Variants in GRID1 observed in about 807,000 individuals in gnomAD.
The protein encoded by GRID1 is glutamate ionotropic receptor delta type subunit 1.
A neutral mutation model predicts 98.0 loss-of-function variants in GRID1; 28 were observed. The observed-to-expected ratio is 0.29, with a 90% CI of 0.21 to 0.39. The LOEUF is 0.39. Among genes scored for constraint, GRID1 ranks in the 10% least tolerant of loss-of-function variants. GRID1 has a pLI of 1.00. For synonymous variants in GRID1, 553 were observed against 538.5 expected (o/e 1.03, Z -0.37); for missense variants, 1,111 against 1,340.5 (o/e 0.83, Z 2.67).
intron 8 of GRID1, among the ~76,000 whole-genome samples, chr10:85,812,712 T>C (rs1479277689): frequency 6.7e-6 from 1 of 150,364 alleles, no homozygotes; most frequent in Non-Finnish European, 1.5e-5. Flanking sequence ...AAGTCAAAAC[T>C]AAACAAGCAA....
intron 2 of GRID1, among the ~76,000 whole-genome samples, chr10:86,260,607 C>G (rs983744972): frequency 6.6e-6 from 1 of 152,172 alleles, no homozygotes; most frequent in African/African-American, 2.4e-5. Flanking sequence ...AGGCAGAGGC[C>G]AGGGAGGGCT....
chr10:86,018,219 GCA>G (rs1285908500), intron 4 of GRID1, among the ~76,000 whole-genome samples: 2 of 152,238 alleles, frequency 1.3e-5, no homozygotes, highest in Admixed American at 6.5e-5. Flanking sequence ...TCCTTCATGA[GCA>G]CACAGACTTC....
intron 8 of GRID1, among the ~76,000 whole-genome samples, chr10:85,814,715 T>G (rs936917718): frequency 6.6e-6 from 1 of 151,942 alleles, no homozygotes; most frequent in African/African-American, 2.4e-5. Context: ...ACATACAAAC[T>G]ACTATAAACT....
chr10:86,222,165 C>G (rs540604651), intron 2 of GRID1, among the ~76,000 whole-genome samples: 2 of 152,184 alleles, frequency 1.3e-5, no homozygotes, highest in Non-Finnish European at 2.9e-5. Flanking sequence ...AGAGGGGGGG[C>G]CACCCATTTG....
At chr10:85,857,140 G>A (rs1431738371) in intron 6 of GRID1, among the ~76,000 whole-genome samples, 1 of 152,214 alleles carries the variant, frequency 6.6e-6, no homozygotes, top group Non-Finnish European at 1.5e-5. Flanking sequence ...GCTCTGCAGT[G>A]GAGTCACTGC....
At chr10:85,679,907 G>T (rs1841188196) in intron 12 of GRID1, among the ~76,000 whole-genome samples, 1 of 152,184 alleles carries the variant, frequency 6.6e-6, no homozygotes, top group Non-Finnish European at 1.5e-5. Context: ...AATTATGCAG[G>T]CAGTGACCAT....
intron 4 of GRID1, among the ~76,000 whole-genome samples, chr10:85,978,629 A>G (rs1842504920): frequency 6.6e-6 from 1 of 151,952 alleles, no homozygotes; most frequent in Admixed American, 6.6e-5. Context: ...AAAAAAAGCT[A>G]ACACTTCTTG....
chr10:86,059,899 AC>A (rs1843625823), intron 4 of GRID1, among the ~76,000 whole-genome samples: 1 of 152,220 alleles, frequency 6.6e-6, no homozygotes, highest in African/African-American at 2.4e-5. Context: ...AATAAAAAAA[AC>A]ACTCTCCTAA....
intron 2 of GRID1, among the ~76,000 whole-genome samples, chr10:86,287,627 G>A (rs1306052452): frequency 2.0e-5 from 3 of 152,174 alleles, no homozygotes; most frequent in South Asian, 2.1e-4. Flanking sequence ...CACAGGAGAG[G>A]GCTGGTTGTG....
In GRID1 at chr10:86,089,749, AT is replaced by A. The variant is rs35775469; in HGVS notation, c.726+49069del. On this transcript the variant is annotated intron_variant, in intron 4 of 15. Transcript: ENST00000327946. ...ATAAAGAAGGACCAAACAAAAAAAAATTTTTTTTTTTTTTGAGACGGAGTCT... is the reference window on the plus strand; with the variant it reads ...ATAAAGAAGGACCAAACAAAAAAAAATTTTTTTTTTTTTGAGACGGAGTCT... Among the ~76,000 whole-genome samples the A allele has an allele frequency of 1.5e-3, 221 of 147,242 alleles. 1 individual carries two copies. The highest frequency in any genetic ancestry group is 3.6e-3 in the Middle Eastern group (1 of 278).
rs370378402 is a variant in GRID1, at chr10:85,681,596, T to A, written c.1998-34199A>T. ...ACATGCACTGCCTCTTAACCTGGAA[T>A]GCTCCATGCACTGTCACTTTCTAAA... is the stretch of plus-strand genomic sequence containing the variant. On this transcript the variant is annotated intron_variant, in intron 12 of 15. Coordinates refer to ENST00000327946, the MANE Select transcript of GRID1 (RefSeq NM_017551.3). Among the ~76,000 whole-genome samples the A allele has an allele frequency of 4.6e-5, 7 of 152,242 alleles. No homozygotes were observed. In the East Asian group the frequency reaches 9.7e-4, roughly 21 times the overall value.
Position 86,192,972 on chromosome 10 carries a change from G to C in GRID1, c.520+13392C>G, listed in dbSNP as rs1241165935. On this transcript the variant is annotated intron_variant, in intron 3 of 15. Transcript: ENST00000327946. This position sits in a 1 kb window ranked among gnomAD's most constrained non-coding sequence, Gnocchi z 4.8. ...AGAGGCCAGAGCGTGTGTCTCAGGAGAGCCCGGGAGGATGGGAAGCAAGGA... is the reference window on the plus strand; with the variant it reads ...AGAGGCCAGAGCGTGTGTCTCAGGACAGCCCGGGAGGATGGGAAGCAAGGA... Among the ~76,000 whole-genome samples, 4 of 152,008 alleles carry C rather than the reference G, an allele frequency of 2.6e-5. No individual in the cohort carries two copies. Among genetic ancestry groups the C allele is most frequent in the Non-Finnish European group, 4.4e-5 (3 of 67,936 alleles).
intron 4 of GRID1, among the ~76,000 whole-genome samples, chr10:86,105,957 G>C (rs1193957301): frequency 6.6e-6 from 1 of 152,172 alleles, no homozygotes; most frequent in African/African-American, 2.4e-5. Flanking sequence ...GCTGCTTCAG[G>C]GAGAGGAAGC....
chr10:86,022,442 G>T (rs998377966), intron 4 of GRID1, among the ~76,000 whole-genome samples: 4 of 152,116 alleles, frequency 2.6e-5, no homozygotes, highest in African/African-American at 9.7e-5. Flanking sequence ...GGTGAGGCCA[G>T]GGAGGTCCCC....
chr10:85,834,041 G>A (rs986937893), intron 8 of GRID1, among the ~76,000 whole-genome samples: 8 of 152,152 alleles, frequency 5.3e-5, no homozygotes, highest in Admixed American at 1.3e-4. Flanking sequence ...TCCAGAAAGC[G>A]AAGAGAAAGA....
intron 3 of GRID1, among the ~76,000 whole-genome samples, chr10:86,190,668 T>C (rs1019653762): frequency 6.6e-6 from 1 of 151,144 alleles, no homozygotes; most frequent in Non-Finnish European, 1.5e-5. Context: ...CAGGAAGAAC[T>C]TCACCTTGAG....
chr10:85,687,545 G>A (rs901337878), intron 12 of GRID1, among the ~76,000 whole-genome samples: 1 of 152,100 alleles, frequency 6.6e-6, no homozygotes, highest in Admixed American at 6.6e-5. Flanking sequence ...CAGGAGGGTT[G>A]CTGGAGCCCA....
chr10:85,791,793 A>G (rs975143962), intron 8 of GRID1, among the ~76,000 whole-genome samples: 2 of 152,216 alleles, frequency 1.3e-5, no homozygotes, highest in African/African-American at 4.8e-5. Context: ...CTAAGAAGAG[A>G]TACAAGAGTT....
intron 3 of GRID1, among the ~76,000 whole-genome samples, chr10:86,175,690 T>A (rs1845565761): frequency 6.6e-6 from 1 of 151,830 alleles, no homozygotes; most frequent in Non-Finnish European, 1.5e-5. Flanking sequence ...TGGAATGAAT[T>A]CACTTAGGGG....
Sources: gnomAD v4.1 joint callset for allele counts (sites outside exome capture counted in the v4.1 genomes callset) on GRCh38, gnomAD v4.1.1 for gene constraint, Gnocchi (gnomAD v3.1) non-coding constraint, MANE v1.5 for transcripts, NCBI Gene and HGNC (gene_info 2026-07-23, HGNC 2026-07-21) for gene names.